Variants in PLAAT1 observed in about 807,000 individuals in gnomAD.
PLAAT1 encodes H-REV107 protein-related protein.
A neutral mutation model predicts 16.4 loss-of-function variants in PLAAT1; 13 were observed. The observed-to-expected ratio is 0.79, with a 90% CI of 0.52 to 1.26. The LOEUF (loss-of-function observed/expected upper bound fraction) is 1.26, where lower values mean the gene tolerates loss of function less well. Among genes scored for constraint, PLAAT1 ranks in the 50% most tolerant of loss-of-function variants. The pLI, the probability that PLAAT1 is intolerant of heterozygous loss-of-function variation, is 0.00. For missense variants in PLAAT1, 218 were observed against 207.8 expected (o/e 1.05, Z -0.30); for synonymous variants, 73 against 78.4 (o/e 0.93, Z 0.36).
intron 1 of PLAAT1, among the ~76,000 whole-genome samples, chr3:193,242,796 G>A (rs1715824058): frequency 6.6e-6 from 1 of 152,208 alleles, no homozygotes; most frequent in Admixed American, 6.5e-5. Flanking sequence ...AAACATCACA[G>A]TGTAGGAGGA....
chr3:193,269,304 T>G (rs1716891175), intron 3 of PLAAT1, among the ~76,000 whole-genome samples: 1 of 152,232 alleles, frequency 6.6e-6, no homozygotes, highest in South Asian at 2.1e-4. Flanking sequence ...GCCAAGTTGT[T>G]TGCCCTTACC....
At chr3:193,280,511 G>A (rs116614770), downstream of PLAAT1, among the ~76,000 whole-genome samples, 410 of 152,196 alleles carry the variant, frequency 2.7e-3, 2 homozygotes, top group African/African-American at 9.0e-3. Context: ...TTTATCTCTG[G>A]TTCTCTGGAA....
chr3:193,276,569 C>A (rs541377051), intron 2 of PLAAT1, among the ~76,000 whole-genome samples: 2 of 152,304 alleles, frequency 1.3e-5, no homozygotes, highest in East Asian at 3.9e-4. Context: ...ATGCAGACTT[C>A]AAATAATTTT....
At chr3:193,251,987 A>G (rs1716207924) in intron 1 of PLAAT1, among the ~76,000 whole-genome samples, 1 of 152,122 alleles carries the variant, frequency 6.6e-6, no homozygotes. Flanking sequence ...TTCTTTGGTG[A>G]AATTAGTCTG....
intron 1 of PLAAT1, among the ~76,000 whole-genome samples, chr3:193,246,271 T>TG: frequency 6.6e-6 from 1 of 152,322 alleles, no homozygotes; most frequent in African/African-American, 2.4e-5. Flanking sequence ...GAATGGGTGT[T>TG]GGATTTTGTC....
At chr3:193,268,682 G>T (rs781425225) in intron 3 of PLAAT1, among the ~76,000 whole-genome samples, 4 of 152,168 alleles carry the variant, frequency 2.6e-5, no homozygotes, top group African/African-American at 4.8e-5. Flanking sequence ...ATTTGGAATT[G>T]GGGAAGCTGT....
intron 2 of PLAAT1, among the ~76,000 whole-genome samples, chr3:193,275,933 G>T (rs1376666047): frequency 6.6e-6 from 1 of 152,092 alleles, no homozygotes; most frequent in Non-Finnish European, 1.5e-5. Context: ...ATGATTTTTA[G>T]TGACTAGCAT....
chr3:193,259,079 C>T (rs549422936), intron 2 of PLAAT1, among the ~76,000 whole-genome samples: 1 of 152,156 alleles, frequency 6.6e-6, no homozygotes, highest in Non-Finnish European at 1.5e-5. Context: ...TCCTGAGGTA[C>T]AAGATTGGTT....
chr3:193,269,760 A>T (rs760292824), intron 3 of PLAAT1, among the ~76,000 whole-genome samples: 1 of 152,148 alleles, frequency 6.6e-6, no homozygotes, highest in African/African-American at 2.4e-5. Flanking sequence ...ATCAAATTGC[A>T]CTCAAACCCA....
At chr3:193,250,842 C>G (rs937781762) in intron 1 of PLAAT1, among the ~76,000 whole-genome samples, 10 of 152,080 alleles carry the variant, frequency 6.6e-5, no homozygotes, top group South Asian at 2.1e-4. Context: ...CTATCCCCCC[C>G]ACCCCCGCAC....
At chr3:193,273,251 T>A (rs905948400), downstream of PLAAT1, among the ~76,000 whole-genome samples, 3 of 152,234 alleles carry the variant, frequency 2.0e-5, no homozygotes, top group East Asian at 5.8e-4. Context: ...TTTAGTTTGA[T>A]ACATAGTTTA....
At chr3:193,248,049 T>C (rs1716047765) in intron 1 of PLAAT1, among the ~76,000 whole-genome samples, 1 of 152,208 alleles carries the variant, frequency 6.6e-6, no homozygotes, top group Admixed American at 6.5e-5. Flanking sequence ...TCCATGTCTC[T>C]CATCAGATCT....
chr3:193,247,986 A>AT lies in PLAAT1; in HGVS notation c.-1+6458dup, dbSNP rs532992190. 2.8e-4 allele frequency among the ~76,000 whole-genome samples: 42 copies of AT among 152,198 alleles called. No homozygotes were observed. In the East Asian group the frequency reaches 7.7e-3, roughly 28 times the overall value. On this transcript the variant is annotated intron_variant, in intron 1 of 3. Transcript: ENST00000264735. ...GTTCAAGTTCAATATTTCCTTGTTG[A>AT]TTTTTGGTCTAGATCTGTCCAATGT...
In PLAAT1 at chr3:193,241,369, GC is replaced by G; in HGVS notation, c.-161del. 1 of 1,231,652 alleles carries G rather than the reference GC, an allele frequency of 8.1e-7. No homozygotes were observed. Among genetic ancestry groups the G allele is most frequent in the Non-Finnish European group, 1.0e-6 (1 of 987,930 alleles). The allele number at this position is 1,231,652 out of a possible 1,614,324, so 76.3% of individuals were successfully genotyped here. On this transcript the variant is annotated 5_prime_UTR_variant, in exon 1 of 4. Transcript: ENST00000264735. ...GTGCTGGCGTTGGCCCTGGAGGACGGCCCCGAGTGATGGCTGGCGCCTGCCT... is the reference window on the plus strand; with the variant it reads ...GTGCTGGCGTTGGCCCTGGAGGACGGCCCGAGTGATGGCTGGCGCCTGCCT...
intron 2 of PLAAT1, among the ~76,000 whole-genome samples, chr3:193,261,893 T>C (rs1560103473): frequency 6.6e-6 from 1 of 152,204 alleles, no homozygotes; most frequent in Non-Finnish European, 1.5e-5. Context: ...TGAGGACTTG[T>C]AATGTGTGAG....
intron 2 of PLAAT1, among the ~76,000 whole-genome samples, chr3:193,256,958 C>A (rs1357721794): frequency 6.6e-6 from 1 of 152,144 alleles, no homozygotes; most frequent in Non-Finnish European, 1.5e-5. Flanking sequence ...TGGAGGGAAA[C>A]TGCAGAAAGA....
chr3:193,272,109 C>T (rs534507456), downstream of PLAAT1, among the ~76,000 whole-genome samples: 2 of 152,096 alleles, frequency 1.3e-5, no homozygotes, highest in Admixed American at 6.5e-5. Flanking sequence ...AAATTCAAGT[C>T]TCTGTTCCTT....
intron 3 of PLAAT1, among the ~76,000 whole-genome samples, chr3:193,267,133 A>G (rs571630346): frequency 6.6e-6 from 1 of 152,286 alleles, no homozygotes; most frequent in South Asian, 2.1e-4. Flanking sequence ...CCCACCCAGT[A>G]TAGCCATCTC....
rs1715745002 is a variant in PLAAT1 at position 193,241,506 on chromosome 3, G to T, written c.-28G>T. ...GACACACACAGCTGCCTCCCGGTGC[G>T]AGAAGAAGACCCCGGCTTGAGAGTG... On this transcript the variant is annotated 5_prime_UTR_variant, in exon 1 of 4. Transcript: ENST00000264735. The T allele has an allele frequency of 8.1e-7, 1 of 1,231,930 alleles. No homozygotes were observed. The highest frequency in any genetic ancestry group is 1.0e-6 in the Non-Finnish European group (1 of 988,136). 76.3% of individuals were successfully genotyped at this position (1,231,930 alleles called of 1,614,324 possible). A position where few individuals can be genotyped will look rare whatever the true frequency, so the allele number is the denominator to read the frequency against.
Sources: allele counts gnomAD v4.1 joint callset (sites outside exome capture counted in the v4.1 genomes callset), GRCh38; gene constraint gnomAD v4.1.1; transcripts MANE v1.5; gene names NCBI Gene and HGNC (gene_info 2026-07-23, HGNC 2026-07-21).